Variants in PCDHGB3 observed in about 807,000 individuals in gnomAD.
The protein encoded by PCDHGB3 is protocadherin gamma subfamily B, 3.
PCDHGB3 carries 40 observed loss-of-function variants against 59.2 expected under a neutral mutation model. The ratio of observed to expected loss-of-function variants is 0.68; its 90% CI spans 0.52 to 0.88. PCDHGB3 has a LOEUF of 0.88. Ranked by LOEUF, PCDHGB3 falls within the 40% of genes least tolerant of loss-of-function variation. The pLI, the probability that PCDHGB3 is intolerant of heterozygous loss-of-function variation, is 0.00. For missense variants in PCDHGB3, 1,309 were observed against 1,187.9 expected, an observed-to-expected ratio of 1.10 and a Z score of -1.50; for synonymous variants, 581 against 503.6, an observed-to-expected ratio of 1.15 and a Z score of -2.06.
intron 1 of PCDHGB3, among the ~76,000 whole-genome samples, chr5:141,463,316 T>A (rs1290852110): frequency 1.3e-5 from 2 of 151,806 alleles, no homozygotes; most frequent in African/African-American, 2.4e-5. Flanking sequence ...TAATATCTAT[T>A]CCTCAACTCA....
intron 1 of PCDHGB3, among the ~76,000 whole-genome samples, chr5:141,407,534 A>G (rs72790039): frequency 0.022 from 3,304 of 149,594 alleles, 53 homozygotes; most frequent in South Asian, 0.039. Context: ...CTTATTGTGC[A>G]TTGGTAACAG....
intron 1 of PCDHGB3, chr5:141,384,370 T>C (rs769961814): frequency 1.9e-6 from 3 of 1,613,926 alleles, no homozygotes; most frequent in South Asian, 2.2e-5. Context: ...CACTTATTCC[T>C]TGGCCGAAGA....
chr5:141,431,237 C>A lies in PCDHGB3; in HGVS notation c.2415+58428C>A. 1 of 1,614,170 alleles carries A rather than the reference C, an allele frequency of 6.2e-7. No homozygotes were observed. Among genetic ancestry groups the A allele is most frequent in the Non-Finnish European group, 8.5e-7 (1 of 1,180,044 alleles). The stretch of plus-strand genomic sequence containing the variant: ...GTTCCCTCTACCCCACGCCTGGGAT[C>A]CGGATATCGGGAAGAACTCTCTGCA... On this transcript the variant is annotated intron_variant, in intron 1 of 3. Transcript: ENST00000576222. The surrounding 1 kb of genome is among the most constrained non-coding windows in gnomAD (Gnocchi z 4.8).
At chr5:141,483,258 T>G (rs2099579023) in intron 1 of PCDHGB3, among the ~76,000 whole-genome samples, 1 of 137,930 alleles carries the variant, frequency 7.3e-6, no homozygotes, top group South Asian at 2.1e-4. Flanking sequence ...TCATGAGGTT[T>G]TTTTGTTTTA....
chr5:141,415,081 C>A, intron 1 of PCDHGB3: 2 of 1,613,522 alleles, frequency 1.2e-6, no homozygotes, highest in Non-Finnish European at 1.7e-6. Flanking sequence ...GGCGCGAGCC[C>A]TGCTGGACAG....
At chr5:141,460,908 T>C (rs550367008) in intron 1 of PCDHGB3, among the ~76,000 whole-genome samples, 2,136 of 133,318 alleles carry the variant, frequency 0.016, 43 homozygotes, top group African/African-American at 0.062. Flanking sequence ...TAATATTCCA[T>C]GGTGTATATA....
chr5:141,383,633 C>T (rs1298423457), intron 1 of PCDHGB3: 1 of 1,613,966 alleles, frequency 6.2e-7, no homozygotes. Context: ...TTCTCTCTGC[C>T]TCAGTACCAA....
intron 1 of PCDHGB3, chr5:141,384,110 T>G: frequency 6.2e-7 from 1 of 1,604,780 alleles, no homozygotes; most frequent in Non-Finnish European, 8.5e-7. Context: ...TATTATAGAT[T>G]GGTCACAACC....
intron 1 of PCDHGB3, chr5:141,390,229 C>T (rs781367582): frequency 6.2e-7 from 1 of 1,614,056 alleles, no homozygotes; most frequent in South Asian, 1.1e-5. Flanking sequence ...TGCGGTGATT[C>T]ATCTGGGGCC....
intron 1 of PCDHGB3, among the ~76,000 whole-genome samples, chr5:141,407,446 C>T (rs1314408901): frequency 6.7e-6 from 1 of 149,410 alleles, no homozygotes. Context: ...AACCAGAACA[C>T]GAGGCTCACC....
At chr5:141,398,742 G>GAGT (rs2093697710) in intron 1 of PCDHGB3, 1 of 1,613,726 alleles carries the variant, frequency 6.2e-7, no homozygotes, top group Non-Finnish European at 8.5e-7. Flanking sequence ...GGGAACAACA[G>GAGT]AGTTACCATC....
chr5:141,408,770 A>G, intron 1 of PCDHGB3: 1 of 1,611,540 alleles, frequency 6.2e-7, no homozygotes. Flanking sequence ...CGATGGTGGC[A>G]AATACCCAGA....
chr5:141,464,266 AAAAAAAAAAAAGC>A (rs2099079689), intron 1 of PCDHGB3, among the ~76,000 whole-genome samples: 2 of 138,926 alleles, frequency 1.4e-5, no homozygotes, highest in Admixed American at 1.4e-4. Flanking sequence ...CTCCGTCTAA[AAAAAAAAAAAAGC>A]AAAAAAAAAA....
chr5:141,404,347 C>A (rs1451476815), intron 1 of PCDHGB3: 2 of 1,613,916 alleles, frequency 1.2e-6, no homozygotes, highest in Non-Finnish European at 1.7e-6. Context: ...CGGAAAACAA[C>A]GCCAGAGGTA....
At chr5:141,433,068 T>G (rs1296504554) in intron 1 of PCDHGB3, 1 of 1,613,900 alleles carries the variant, frequency 6.2e-7, no homozygotes, top group South Asian at 1.1e-5. Context: ...CACCTGATCT[T>G]CCCCCAGCCC....
intron 1 of PCDHGB3, chr5:141,384,324 T>G (rs373247436): frequency 1.9e-6 from 3 of 1,613,744 alleles, no homozygotes; most frequent in Non-Finnish European, 2.5e-6. Context: ...TCTTAGTGAC[T>G]GCACAGGACC....
rs777753711 is a variant in PCDHGB3 at position 141,372,449 on chromosome 5, G to A, written c.2055G>A (p.Gln685=). The change falls in exon 1 of 4, where the codon CAG becomes CAA. Residue 685 remains glutamine, a synonymous_variant. Transcript: ENST00000576222. ...LSDRPTPSDP[Q]AELQFHLVVA... ...ACCGCCCCACTCCCTCTGACCCTCA[G>A]GCGGAGCTACAGTTTCACCTAGTAG... 4 of 1,614,064 alleles carry A rather than the reference G, an allele frequency of 2.5e-6. No individual in the cohort carries two copies. The highest frequency in any genetic ancestry group is 1.3e-5 in the African/African-American group (1 of 75,076).
At chr5:141,388,412 T>G (rs1381904129) in intron 1 of PCDHGB3, 1 of 1,613,752 alleles carries the variant, frequency 6.2e-7, no homozygotes, top group African/African-American at 1.3e-5. Context: ...GTCCCAGTGA[T>G]CATTTCTCAC....
intron 1 of PCDHGB3, chr5:141,403,207 C>G: frequency 6.2e-7 from 1 of 1,613,966 alleles, no homozygotes. Context: ...GCACCTTGGT[C>G]ACCGCGGGTA....
Sources: gnomAD v4.1 joint callset for allele counts (sites outside exome capture counted in the v4.1 genomes callset) on GRCh38, gnomAD v4.1.1 for gene constraint, Gnocchi (gnomAD v3.1) non-coding constraint, MANE v1.5 for transcripts, NCBI Gene and HGNC (gene_info 2026-07-23, HGNC 2026-07-21) for gene names.